Variants in REV1 observed in about 807,000 individuals in gnomAD.
The protein encoded by REV1 is translesion synthesis protein REV1.
In REV1, 42 loss-of-function variants were observed where a neutral mutation model predicts 137.4. The ratio of observed to expected loss-of-function variants is 0.31; its 90% CI spans 0.24 to 0.40. The LOEUF is 0.40. REV1 is among the 10% of genes least tolerant of loss of function. The pLI is 1.00. For missense variants in REV1, 1,282 were observed against 1,490.1 expected, an observed-to-expected ratio of 0.86 and a Z score of 2.30; for synonymous variants, 524 against 519.2, an observed-to-expected ratio of 1.01 and a Z score of -0.12.
intron 8 of REV1, among the ~76,000 whole-genome samples, chr2:99,430,639 G>A (rs554739629): frequency 6.6e-6 from 1 of 152,104 alleles, no homozygotes; most frequent in South Asian, 2.1e-4. Flanking sequence ...CACAACTGGA[G>A]CCTAGTGTGG....
intron 3 of REV1, among the ~76,000 whole-genome samples, chr2:99,460,028 C>T (rs1684002870): frequency 6.6e-6 from 1 of 152,172 alleles, no homozygotes; most frequent in Non-Finnish European, 1.5e-5. Flanking sequence ...ACTGCATCTC[C>T]CAGGTTTGCA....
intron 5 of REV1, 53 bp downstream of exon 5, chr2:99,442,252 CAAAAAAAAAAAA>C (rs3070575): frequency 2.6e-5 from 14 of 533,366 alleles, no homozygotes; most frequent in Non-Finnish European, 3.4e-5. Flanking sequence ...AACTCCATCT[CAAAAAAAAAAAA>C]AAAAAAAAAA....
chr2:99,448,640 C>T (rs946801071), intron 4 of REV1, among the ~76,000 whole-genome samples: 5 of 152,318 alleles, frequency 3.3e-5, no homozygotes, highest in South Asian at 2.1e-4. Flanking sequence ...ATAATGTACT[C>T]ATACATTACT....
intron 1 of REV1, among the ~76,000 whole-genome samples, chr2:99,466,143 G>A (rs1684774786): frequency 6.6e-6 from 1 of 152,072 alleles, no homozygotes; most frequent in Non-Finnish European, 1.5e-5. Flanking sequence ...AGTAGAGACG[G>A]CGTTTCACCA....
intron 1 of REV1, among the ~76,000 whole-genome samples, chr2:99,476,595 G>A (rs1384210820): frequency 6.6e-6 from 1 of 151,988 alleles, no homozygotes; most frequent in East Asian, 1.9e-4. Flanking sequence ...ACCCTGTTAA[G>A]TGCTTTTGTT....
intron 9 of REV1, among the ~76,000 whole-genome samples, chr2:99,426,962 G>A (rs1232824312): frequency 4.6e-5 from 7 of 152,094 alleles, no homozygotes; most frequent in African/African-American, 1.7e-4. Context: ...AGGCGAGCGG[G>A]TCACGAGGTC....
In REV1 at chr2:99,435,246, A is replaced by T. The variant is rs78140592; in HGVS notation, c.1321+588T>A. On this transcript the variant is annotated intron_variant, in intron 7 of 22. Coordinates refer to ENST00000258428, the MANE Select transcript of REV1 (RefSeq NM_016316.4). ...TTATTTAAGGGAAGAATTGATTCTCAGAAGAAAACACTAAGTTATCTCTTT... is the reference window on the plus strand; with the variant it reads ...TTATTTAAGGGAAGAATTGATTCTCTGAAGAAAACACTAAGTTATCTCTTT... 3.2e-3 allele frequency among the ~76,000 whole-genome samples: 495 copies of T among 152,340 alleles called. 4 individuals are homozygous for T. The highest frequency in any genetic ancestry group is 0.011 in the African/African-American group (463 of 41,586).
intron 21 of REV1, 52 bp downstream of exon 21, chr2:99,402,592 C>T: frequency 6.5e-7 from 1 of 1,536,180 alleles, no homozygotes; most frequent in African/African-American, 1.4e-5. Flanking sequence ...GTTCTCAAAT[C>T]ATGAGACGAC....
intron 2 of REV1, among the ~76,000 whole-genome samples, chr2:99,464,352 G>A (rs949061879): frequency 6.6e-6 from 1 of 152,140 alleles, no homozygotes; most frequent in African/African-American, 2.4e-5. Flanking sequence ...TGCTCACTAT[G>A]AAGTTTCTTT....
intron 1 of REV1, among the ~76,000 whole-genome samples, chr2:99,489,392 T>C (rs1687442378): frequency 6.6e-6 from 1 of 151,912 alleles, no homozygotes; most frequent in African/African-American, 2.4e-5. Context: ...CGTGAATGAA[T>C]GGCGCGGAAC....
chr2:99,423,837 C>T (rs980916986), intron 10 of REV1, among the ~76,000 whole-genome samples: 5 of 152,142 alleles, frequency 3.3e-5, no homozygotes, highest in Non-Finnish European at 7.3e-5. Flanking sequence ...TAAAAAATTC[C>T]ATCCTTCATC....
Position 99,402,351 on chromosome 2 carries a change from G to A in REV1, c.3542-5C>T, listed in dbSNP as rs1675585152. On this transcript the variant is annotated splice_polypyrimidine_tract_variant and splice_region_variant and intron_variant, in intron 21 of 22. Transcript: ENST00000258428. ...GAATGTCTTCTTCCATTGGATCTAGGAAGGGGGAAAAACTTCAAATGAGGA... is the reference window on the plus strand; with the variant it reads ...GAATGTCTTCTTCCATTGGATCTAGAAAGGGGGAAAAACTTCAAATGAGGA... 2.8e-6 allele frequency: 4 copies of A among 1,420,592 alleles called. No homozygotes were observed. Among genetic ancestry groups the A allele is most frequent in the Non-Finnish European group, 2.9e-6 (3 of 1,019,454 alleles). The allele number at this position is 1,420,592 out of a possible 1,614,324, so 88.0% of individuals were successfully genotyped here. A position where few individuals can be genotyped will look rare whatever the true frequency, so the allele number is the denominator to read the frequency against.
intron 10 of REV1, among the ~76,000 whole-genome samples, chr2:99,422,043 A>C (rs1201659260): frequency 6.6e-6 from 1 of 152,242 alleles, no homozygotes; most frequent in Non-Finnish European, 1.5e-5. Context: ...CATTTAATCT[A>C]ATGGTTTATG....
intron 1 of REV1, among the ~76,000 whole-genome samples, chr2:99,482,074 A>G (rs1686664968): frequency 6.6e-6 from 1 of 152,198 alleles, no homozygotes; most frequent in South Asian, 2.1e-4. Context: ...CCATGTGAAT[A>G]GTGGGTTGGG....
chr2:99,438,265 T>G (rs1681016797), intron 6 of REV1, among the ~76,000 whole-genome samples: 1 of 152,188 alleles, frequency 6.6e-6, no homozygotes, highest in African/African-American at 2.4e-5. Context: ...AATTTCATTC[T>G]TACAGGAGTT....
chr2:99,412,950 T>C lies in REV1; in HGVS notation c.1953A>G (p.Gly651=), dbSNP rs1677377438. The part of the protein sequence containing the change: ...IRGQLVTNLP[G]VGHSMESKLA... ...ACTTAGATTCCATTGAATGTCCAACTCCTAGGAAAGGGAATATAGTTAAGT... is the reference window on the plus strand; with the variant it reads ...ACTTAGATTCCATTGAATGTCCAACCCCTAGGAAAGGGAATATAGTTAAGT... Residue 651 remains glycine (G), a splice_region_variant and synonymous_variant, in exon 13 of 23, where the codon GGA becomes GGG. Coordinates refer to ENST00000258428, the MANE Select transcript of REV1 (RefSeq NM_016316.4). 3 of 1,608,484 alleles carry C rather than the reference T, an allele frequency of 1.9e-6. No individual in the cohort carries two copies. In the South Asian group the frequency reaches 3.3e-5, roughly 18 times the overall value.
intron 12 of REV1, among the ~76,000 whole-genome samples, chr2:99,416,346 T>TA (rs1388725355): frequency 6.6e-6 from 1 of 152,352 alleles, no homozygotes; most frequent in East Asian, 1.9e-4. Context: ...CCCTCTCCTA[T>TA]ATGAAACCCC....
chr2:99,477,348 G>C (rs1686093749), intron 1 of REV1, among the ~76,000 whole-genome samples: 1 of 152,142 alleles, frequency 6.6e-6, no homozygotes, highest in Non-Finnish European at 1.5e-5. Context: ...GCAGTTGTGA[G>C]GTAACCCAGC....
chr2:99,463,506 G>A (rs1684470480), intron 2 of REV1, among the ~76,000 whole-genome samples: 1 of 152,170 alleles, frequency 6.6e-6, no homozygotes, highest in Non-Finnish European at 1.5e-5. Context: ...GACAACAAGA[G>A]CAAAACTGCA....
Sources: allele counts gnomAD v4.1 joint callset (sites outside exome capture counted in the v4.1 genomes callset), GRCh38; gene constraint gnomAD v4.1.1; transcripts MANE v1.5; gene names NCBI Gene and HGNC (gene_info 2026-07-23, HGNC 2026-07-21).